FBXO11: variants seen among roughly 807,000 people sequenced by gnomAD.
FBXO11 encodes F-box only protein 11.
FBXO11 carries 13 observed loss-of-function variants against 117.0 expected under a neutral mutation model. The ratio of observed to expected loss-of-function variants is 0.11; its 90% CI spans 0.07 to 0.18. The LOEUF is 0.18. FBXO11 is among the 10% of genes least tolerant of loss of function. The pLI is 1.00. For missense variants in FBXO11, 767 were observed against 1,164.4 expected (o/e 0.66, Z 4.97); for synonymous variants, 490 against 380.5 (o/e 1.29, Z -3.35).
At chr2:47,889,356 G>C (rs1242939633) in intron 1 of FBXO11, among the ~76,000 whole-genome samples, 1 of 152,052 alleles carries the variant, frequency 6.6e-6, no homozygotes, top group African/African-American at 2.4e-5. Context: ...AACCACATCA[G>C]TAGCTTCCAA....
At chr2:47,897,756 T>G (rs941703456) in intron 1 of FBXO11, among the ~76,000 whole-genome samples, 1 of 151,264 alleles carries the variant, frequency 6.6e-6, no homozygotes, top group Admixed American at 6.6e-5. Flanking sequence ...AACAAAGATT[T>G]TGCCACAATT....
At chr2:47,824,900 T>TCTTTAAAATCCTTTA (rs1671636708) in intron 11 of FBXO11, among the ~76,000 whole-genome samples, 1 of 152,228 alleles carries the variant, frequency 6.6e-6, no homozygotes, top group Non-Finnish European at 1.5e-5. Context: ...GTGCTTACTC[T>TCTTTAAAATCCTTTA]CTTTCCTCTT....
At chr2:47,886,810 T>C (rs1676887637) in intron 1 of FBXO11, among the ~76,000 whole-genome samples, 1 of 152,084 alleles carries the variant, frequency 6.6e-6, no homozygotes, top group African/African-American at 2.4e-5. Context: ...AAAGTGTTTA[T>C]ATACACATGC....
At position 47,900,669 on chromosome 2, in the gene FBXO11, TATATACACACGTATAC is replaced by T. The variant is rs1490408956; in HGVS notation, c.232+4804_232+4819del. Among the ~76,000 whole-genome samples, 29 of 50,814 alleles carry T rather than the reference TATATACACACGTATAC, an allele frequency of 5.7e-4. 3 individuals are homozygous for T. The East Asian group carries it at 8.5e-3, about 15-fold the overall frequency. The allele number at this position is 50,814 out of a possible 152,430, so 33.3% of individuals were successfully genotyped here. A position where few individuals can be genotyped will look rare whatever the true frequency, so the allele number is the denominator to read the frequency against. On this transcript the variant is annotated intron_variant, in intron 1 of 22. Coordinates refer to ENST00000403359, the MANE Select transcript of FBXO11 (RefSeq NM_001190274.2). ...ATACACACGTATACACACACGTACG[TATATACACACGTATAC>T]ACACACGTATACACACACGTGTATA... is the stretch of plus-strand genomic sequence containing the variant.
intron 1 of FBXO11, among the ~76,000 whole-genome samples, chr2:47,900,680 G>GTGTATA (rs1553362182): frequency 4.9e-5 from 2 of 41,046 alleles, no homozygotes; most frequent in East Asian, 4.4e-4. Context: ...ATATACACAC[G>GTGTATA]TATACACACA....
intron 16 of FBXO11, among the ~76,000 whole-genome samples, chr2:47,815,920 G>A (rs1670973154): frequency 6.6e-6 from 1 of 152,168 alleles, no homozygotes; most frequent in African/African-American, 2.4e-5. Flanking sequence ...CAAGCCTCGA[G>A]GGCCTTTTGA....
chr2:47,879,287 G>A (rs902682847), intron 1 of FBXO11, among the ~76,000 whole-genome samples: 13 of 152,180 alleles, frequency 8.5e-5, no homozygotes, highest in African/African-American at 2.2e-4. Context: ...ATAAATTTCA[G>A]AAAACTCAAC....
intron 1 of FBXO11, among the ~76,000 whole-genome samples, chr2:47,898,313 C>CA (rs1677831778): frequency 6.6e-6 from 1 of 152,210 alleles, no homozygotes; most frequent in African/African-American, 2.4e-5. Context: ...AGTTTAAGCA[C>CA]ATTTTTTATG....
chr2:47,887,384 C>T (rs1321322395), intron 1 of FBXO11, among the ~76,000 whole-genome samples: 2 of 151,186 alleles, frequency 1.3e-5, no homozygotes, highest in Non-Finnish European at 2.9e-5. Context: ...CAGTTAAGAG[C>T]TACCTCTGGG....
At chr2:47,902,350 A>C (rs1426653565) in intron 1 of FBXO11, among the ~76,000 whole-genome samples, 1 of 152,258 alleles carries the variant, frequency 6.6e-6, no homozygotes, top group Non-Finnish European at 1.5e-5. Context: ...TCAGCTAACG[A>C]GTGAACACAA....
chr2:47,860,411 T>A (rs1268975907), intron 1 of FBXO11, among the ~76,000 whole-genome samples: 2 of 112,114 alleles, frequency 1.8e-5, no homozygotes, highest in African/African-American at 6.7e-5. Context: ...TTACCCTGGA[T>A]TTTTTTTTTT....
chr2:47,852,084 G>T (rs1673909742), intron 1 of FBXO11, among the ~76,000 whole-genome samples: 1 of 149,446 alleles, frequency 6.7e-6, no homozygotes, highest in South Asian at 2.1e-4. Context: ...CTCCACACCT[G>T]CTTCAAGCAA....
Position 47,835,867 on chromosome 2 carries a change from C to T in FBXO11, c.717+5G>A. 6.3e-7 allele frequency: 1 copy of T among 1,591,536 alleles called. No individual in the cohort carries two copies. On this transcript the variant is annotated splice_donor_5th_base_variant and intron_variant, in intron 5 of 22. Transcript: ENST00000403359. ...AAACCAATATATTCTATTTATATTT[C>T]ATACCAACTGCTGGAAACTCTCTTT...
chr2:47,906,009 G>C lies in FBXO11; in HGVS notation c.-289C>G. The C allele has an allele frequency of 5.9e-6, 2 of 341,312 alleles. No individual in the cohort carries two copies. The highest frequency in any genetic ancestry group is 1.1e-5 in the Non-Finnish European group (2 of 185,662). 21.1% of individuals were successfully genotyped at this position (341,312 alleles called of 1,614,324 possible). A position where few individuals can be genotyped will look rare whatever the true frequency, so the allele number is the denominator to read the frequency against. The stretch of plus-strand genomic sequence containing the variant: ...CGCGAGGGACGAAGGCAGAAAGACG[G>C]GCAGACCGAGAGAAAGAAAGAAAGG... On this transcript the variant is annotated 5_prime_UTR_variant, in exon 1 of 23. Transcript: ENST00000403359.
Position 47,819,191 on chromosome 2 carries a change from G to A in FBXO11, c.1798-113C>T, listed in dbSNP as rs748582859. ...ATTTTCCATTTTTGTTTTTTCATCC[G>A]AGTAAGGAGGTAATGGCAATATTCT... On this transcript the variant is annotated intron_variant, in intron 14 of 22. Coordinates refer to ENST00000403359, the MANE Select transcript of FBXO11 (RefSeq NM_001190274.2). 24 of 916,892 alleles carry A rather than the reference G, an allele frequency of 2.6e-5. No homozygotes were observed. The East Asian group carries it at 3.0e-4, about 11-fold the overall frequency. The allele number at this position is 916,892 out of a possible 1,614,324, so 56.8% of individuals were successfully genotyped here.
intron 1 of FBXO11, among the ~76,000 whole-genome samples, chr2:47,847,691 G>C (rs189393174): frequency 6.6e-6 from 1 of 152,124 alleles, no homozygotes; most frequent in Non-Finnish European, 1.5e-5. Flanking sequence ...GTGACAGAGC[G>C]AGACTCTGTC....
intron 1 of FBXO11, among the ~76,000 whole-genome samples, chr2:47,857,913 T>C (rs2103713616): frequency 6.6e-6 from 1 of 152,134 alleles, no homozygotes; most frequent in Middle Eastern, 3.4e-3. Context: ...AAAATCGCCA[T>C]TATTTTGTCC....
chr2:47,901,133 ATATATATACACACG>A (rs1678257703), intron 1 of FBXO11, among the ~76,000 whole-genome samples: 3 of 111,514 alleles, frequency 2.7e-5, no homozygotes, highest in Non-Finnish European at 6.4e-5. Flanking sequence ...GTGTACATGT[ATATATATACACACG>A]TGTGTACATA....
At chr2:47,893,281 C>A (rs72876862) in intron 1 of FBXO11, among the ~76,000 whole-genome samples, 2 of 152,070 alleles carry the variant, frequency 1.3e-5, no homozygotes, top group Admixed American at 6.6e-5. Flanking sequence ...GCTGGTCTTG[C>A]AAACAGTCTA....
Sources: allele counts gnomAD v4.1 joint callset (sites outside exome capture counted in the v4.1 genomes callset), GRCh38; gene constraint gnomAD v4.1.1; transcripts MANE v1.5; gene names NCBI Gene and HGNC (gene_info 2026-07-23, HGNC 2026-07-21).